Variants in PRKN observed in about 807,000 individuals in gnomAD.
The protein encoded by PRKN is parkin RBR E3 ubiquitin protein ligase, also known as E3 ubiquitin-protein ligase parkin.
Under a neutral mutation model 59.5 loss-of-function variants are expected in PRKN, and 56 were observed. The observed-to-expected ratio is 0.94, with a 90% confidence interval of 0.76 to 1.18. The LOEUF is 1.18. PRKN is among the 50% of genes most tolerant of loss of function. PRKN has a pLI of 0.00. For synonymous variants in PRKN, 250 were observed against 222.1 expected (o/e 1.13, Z -1.12); for missense variants, 657 against 596.4 (o/e 1.10, Z -1.06).
At chr6:162,261,982 G>A (rs1209901214) in intron 3 of PRKN, among the ~76,000 whole-genome samples, 1 of 152,122 alleles carries the variant, frequency 6.6e-6, no homozygotes, top group Non-Finnish European at 1.5e-5. Context: ...ACCCTGTAAA[G>A]TCATTGTGAT....
chr6:162,167,898 C>T (rs1180612114), intron 4 of PRKN, among the ~76,000 whole-genome samples: 1 of 152,088 alleles, frequency 6.6e-6, no homozygotes, highest in Admixed American at 6.6e-5. Flanking sequence ...TGAATATTTG[C>T]ATGAGATATA....
At chr6:162,528,096 G>A (rs1486777277) in intron 1 of PRKN, among the ~76,000 whole-genome samples, 5 of 150,980 alleles carry the variant, frequency 3.3e-5, no homozygotes, top group Admixed American at 6.6e-5. Context: ...GCGGGGCGGC[G>A]GGTCACCTGA....
At chr6:161,770,373 T>G (rs571543314) in intron 7 of PRKN, among the ~76,000 whole-genome samples, 1 of 152,264 alleles carries the variant, frequency 6.6e-6, no homozygotes, top group East Asian at 1.9e-4. Flanking sequence ...TGTTATAGGA[T>G]AAAATGTGTA....
In PRKN at chr6:162,009,652, G is replaced by A. The variant is rs1256597443; in HGVS notation, c.619-36235C>T. On this transcript the variant is annotated intron_variant, in intron 5 of 11. Coordinates refer to ENST00000366898, the MANE Select transcript of PRKN (RefSeq NM_004562.3). ...CATGCAGTGAAATAAAAGTCCTCTC[G>A]CGGCTGGGCATGGTGGCTCATGCCT... Among the ~76,000 whole-genome samples the A allele has an allele frequency of 3.3e-5, 5 of 151,702 alleles. 1 individual carries two copies. The East Asian group carries it at 5.8e-4, about 18-fold the overall frequency.
Position 161,386,441 on chromosome 6 carries a change from T to TA in PRKN, c.1167+352dup, listed in dbSNP as rs989614340. Among the ~76,000 whole-genome samples, 11 of 152,224 alleles carry TA rather than the reference T, an allele frequency of 7.2e-5. No homozygotes were observed. The highest frequency in any genetic ancestry group is 2.7e-4 in the African/African-American group (11 of 41,454). On this transcript the variant is annotated intron_variant, in intron 10 of 11. Transcript: ENST00000366898. The surrounding 1 kb of genome is among the most constrained non-coding windows in gnomAD (Gnocchi z 4.3). ...CACCAGAGATTCTAAACTAGGGCATTAAAAACATTGAAGTAGACTTAGTAT... is the reference window on the plus strand; with the variant it reads ...CACCAGAGATTCTAAACTAGGGCATTAAAAAACATTGAAGTAGACTTAGTAT...
chr6:162,552,910 G>A lies in PRKN; in HGVS notation c.8-109437C>T, dbSNP rs371597488. 5.9e-5 allele frequency among the ~76,000 whole-genome samples: 9 copies of A among 152,222 alleles called. No homozygotes were observed. The East Asian group carries it at 7.8e-4, about 13-fold the overall frequency. On this transcript the variant is annotated intron_variant, in intron 1 of 11. Transcript: ENST00000366898. ...AGAAAAACCAGGTCTCAGAAGCCAC[G>A]AAAGCAGAGTTTCAACCAGAGGGGG...
chr6:161,509,879 CAA>C lies in PRKN; in HGVS notation c.1083+38973_1083+38974del, dbSNP rs1175501223. Among the ~76,000 whole-genome samples the C allele has an allele frequency of 4.5e-4, 22 of 49,370 alleles. No homozygotes were observed. The South Asian group carries it at 5.0e-3, about 11-fold the overall frequency. The allele number at this position is 49,370 out of a possible 152,430, so 32.4% of individuals were successfully genotyped here. On this transcript the variant is annotated intron_variant, in intron 9 of 11. Coordinates refer to ENST00000366898, the MANE Select transcript of PRKN (RefSeq NM_004562.3). ...TGGGTGACAGAGTGAGACTCCATCT[CAA>C]AAAAAAAAAAAAAAAAAAAAAAGTT...
chr6:161,476,080 A>G (rs953497756), intron 9 of PRKN, among the ~76,000 whole-genome samples: 7 of 151,628 alleles, frequency 4.6e-5, no homozygotes, highest in Non-Finnish European at 1.0e-4. Flanking sequence ...CCAGCTACTC[A>G]GGAGGCTGAG....
At chr6:162,353,544 C>A (rs1426029332) in intron 2 of PRKN, among the ~76,000 whole-genome samples, 1 of 151,944 alleles carries the variant, frequency 6.6e-6, no homozygotes, top group Admixed American at 6.6e-5. Context: ...CATATGTATA[C>A]TTAATTTTTT....
At chr6:162,634,481 G>C (rs936212870) in intron 1 of PRKN, among the ~76,000 whole-genome samples, 12 of 152,146 alleles carry the variant, frequency 7.9e-5, no homozygotes, top group African/African-American at 2.9e-4. Flanking sequence ...CCCACAGTAA[G>C]GATACAGTCC....
intron 1 of PRKN, among the ~76,000 whole-genome samples, chr6:162,488,027 CTTTTTTTT>C (rs752587530): frequency 9.1e-6 from 1 of 109,772 alleles, no homozygotes; most frequent in African/African-American, 3.2e-5. Flanking sequence ...CACCATTTCC[CTTTTTTTT>C]TTTTTTTTTT....
At chr6:162,701,255 G>A (rs897977932) in intron 1 of PRKN, among the ~76,000 whole-genome samples, 9 of 151,882 alleles carry the variant, frequency 5.9e-5, no homozygotes, top group South Asian at 2.1e-4. Flanking sequence ...CTGTTGCTTC[G>A]GACTAAAAAG....
In PRKN at chr6:161,577,116, TA is replaced by T. The variant is rs564785058; in HGVS notation, c.872-7701del. ...TCTTAAAGTGTATTACAATAATTGT[TA>T]AAAAGAAAAGCTAATACTTCTATGA... On this transcript the variant is annotated intron_variant, in intron 7 of 11. Transcript: ENST00000366898. 3.4e-3 allele frequency among the ~76,000 whole-genome samples: 516 copies of T among 152,302 alleles called. 6 individuals carry two copies. Among genetic ancestry groups the T allele is most frequent in the Non-Finnish European group, 8.1e-4 (55 of 68,036 alleles).
intron 1 of PRKN, among the ~76,000 whole-genome samples, chr6:162,638,515 C>A (rs1777832807): frequency 6.6e-6 from 1 of 152,146 alleles, no homozygotes; most frequent in Non-Finnish European, 1.5e-5. Context: ...ATCCATGCAT[C>A]TATTGTTTTT....
In PRKN at chr6:161,527,633, C is replaced by T. The variant is rs115745767; in HGVS notation, c.1083+21221G>A. 7.2e-5 allele frequency among the ~76,000 whole-genome samples: 11 copies of T among 152,334 alleles called. No homozygotes were observed. The highest frequency in any genetic ancestry group is 2.1e-4 in the South Asian group (1 of 4,828). On this transcript the variant is annotated intron_variant, in intron 9 of 11. Transcript: ENST00000366898. This position sits in a 1 kb window ranked among gnomAD's most constrained non-coding sequence, Gnocchi z 4.6. ...AAAAGGTGGGGAGGCAAAGAGGACACGCACTGCATCTTCTTCCCTTGCACT... is the reference window on the plus strand; with the variant it reads ...AAAAGGTGGGGAGGCAAAGAGGACATGCACTGCATCTTCTTCCCTTGCACT...
intron 7 of PRKN, among the ~76,000 whole-genome samples, chr6:161,732,285 C>T (rs1787749943): frequency 6.6e-6 from 1 of 151,976 alleles, no homozygotes; most frequent in African/African-American, 2.4e-5. Context: ...CAGGGTTTCA[C>T]CATGTTGGCC....
At chr6:162,647,206 T>C (rs1466591040) in intron 1 of PRKN, among the ~76,000 whole-genome samples, 1 of 151,644 alleles carries the variant, frequency 6.6e-6, no homozygotes, top group African/African-American at 2.4e-5. Context: ...TAAAGAGAGT[T>C]CTCTTTCTAG....
rs927260008 is a variant in PRKN, at chr6:162,433,724, T to C, written c.171+9586A>G. 2.0e-5 allele frequency among the ~76,000 whole-genome samples: 3 copies of C among 152,272 alleles called. 1 individual carries two copies. Among genetic ancestry groups the C allele is most frequent in the Non-Finnish European group, 4.4e-5 (3 of 67,992 alleles). On this transcript the variant is annotated intron_variant, in intron 2 of 11. Coordinates refer to ENST00000366898, the MANE Select transcript of PRKN (RefSeq NM_004562.3). ...TGTTTATTTCCTGTTTTCTGAACAA[T>C]GTTTTTGATGAATTACGCATAGATG...
rs928181536 is a variant in PRKN, at chr6:161,414,437, G to A, written c.1084-27560C>T. ...TCCTTGGCCTCCAGCCACGGCTTCC[G>A]TGCCATGTCCCAAATGCAAAGTGCC... On this transcript the variant is annotated intron_variant, in intron 9 of 11. Transcript: ENST00000366898. This position sits in a 1 kb window ranked among gnomAD's most constrained non-coding sequence, Gnocchi z 5.3. Among the ~76,000 whole-genome samples, 9 of 152,208 alleles carry A rather than the reference G, an allele frequency of 5.9e-5. No homozygotes were observed. Among genetic ancestry groups the A allele is most frequent in the Non-Finnish European group, 1.2e-4 (8 of 68,046 alleles).
Sources: gnomAD v4.1 joint callset for allele counts (sites outside exome capture counted in the v4.1 genomes callset) on GRCh38, gnomAD v4.1.1 for gene constraint, Gnocchi (gnomAD v3.1) non-coding constraint, MANE v1.5 for transcripts, NCBI Gene and HGNC (gene_info 2026-07-23, HGNC 2026-07-21) for gene names.